The following MAP2K5 variants were observed in gnomAD, a reference collection of about 807,000 sequenced individuals.
MAP2K5 encodes dual specificity mitogen-activated protein kinase kinase 5.
Under a neutral mutation model 83.1 loss-of-function variants are expected in MAP2K5, and 49 were observed. The ratio of observed to expected loss-of-function variants is 0.59; its 90% confidence interval spans 0.47 to 0.75. The LOEUF (loss-of-function observed/expected upper bound fraction) is 0.75. Ranked by LOEUF, MAP2K5 falls within the 30% of genes least tolerant of loss-of-function variation. MAP2K5 has a pLI of 0.00. For missense variants in MAP2K5, 457 were observed against 557.5 expected (o/e 0.82, Z 1.82); for synonymous variants, 202 against 191.8 (o/e 1.05, Z -0.44).
intron 8 of MAP2K5, among the ~76,000 whole-genome samples, chr15:67,615,845 T>C (rs148963475): frequency 0.016 from 2,397 of 152,236 alleles, 39 homozygotes; most frequent in African/African-American, 0.034. Flanking sequence ...TTTGTGTCAG[T>C]ATTTGTGTAC....
At chr15:67,608,098 G>A (rs916231668) in intron 8 of MAP2K5, among the ~76,000 whole-genome samples, 6 of 152,316 alleles carry the variant, frequency 3.9e-5, no homozygotes, top group Non-Finnish European at 8.8e-5. Context: ...AAAAGTGGTT[G>A]TGATCAGGTA....
intron 11 of MAP2K5, among the ~76,000 whole-genome samples, 159 bp downstream of exon 11, chr15:67,646,628 C>G (rs1156572061): frequency 6.6e-6 from 1 of 151,998 alleles, no homozygotes; most frequent in Non-Finnish European, 1.5e-5. Flanking sequence ...TTAGGGGTTC[C>G]TGGGGTTAAA....
At chr15:67,648,178 A>T (rs1262103360) in intron 11 of MAP2K5, among the ~76,000 whole-genome samples, 1 of 152,124 alleles carries the variant, frequency 6.6e-6, no homozygotes, top group African/African-American at 2.4e-5. Flanking sequence ...ATTCCAAAAC[A>T]CTTTTTACCA....
chr15:67,599,072 A>G (rs535261536), intron 7 of MAP2K5, among the ~76,000 whole-genome samples: 1 of 152,364 alleles, frequency 6.6e-6, no homozygotes, highest in East Asian at 1.9e-4. Context: ...CTAGTTTAGC[A>G]TCTCGTCACT....
rs1023414120 is a variant in MAP2K5, at chr15:67,665,583, C to T, written c.847+938C>T. On this transcript the variant is annotated intron_variant, in intron 13 of 21. Coordinates refer to ENST00000178640, the MANE Select transcript of MAP2K5 (RefSeq NM_145160.3). The surrounding 1 kb of genome is among the most constrained non-coding windows in gnomAD (Gnocchi z 4.2). ...CATATCTGTCACTAAGGGTTGTTTTCTTTTGTGGTGGTTTTAATATCCTAG... is the reference window on the plus strand; with the variant it reads ...CATATCTGTCACTAAGGGTTGTTTTTTTTTGTGGTGGTTTTAATATCCTAG... 7.9e-5 allele frequency among the ~76,000 whole-genome samples: 12 copies of T among 152,100 alleles called. No individual in the cohort carries two copies. The highest frequency in any genetic ancestry group is 2.9e-4 in the African/African-American group (12 of 41,420).
chr15:67,658,773 C>T (rs1354704728), intron 12 of MAP2K5, 159 bp downstream of exon 12: 1 of 668,070 alleles, frequency 1.5e-6, no homozygotes, highest in Admixed American at 2.0e-5. Flanking sequence ...TTTCATAGAC[C>T]AGCCCACCCA....
In MAP2K5 at chr15:67,777,854, G is replaced by C. The variant is rs1234690540; in HGVS notation, c.1242+5102G>C. Among the ~76,000 whole-genome samples, 3 of 152,164 alleles carry C rather than the reference G, an allele frequency of 2.0e-5. No homozygotes were observed. Among genetic ancestry groups the C allele is most frequent in the Non-Finnish European group, 4.4e-5 (3 of 68,036 alleles). On this transcript the variant is annotated intron_variant, in intron 21 of 21. Coordinates refer to ENST00000178640, the MANE Select transcript of MAP2K5 (RefSeq NM_145160.3). This position sits in a 1 kb window ranked among gnomAD's most constrained non-coding sequence, Gnocchi z 6.0. ...AGGCATTTAGCATTTCCTCAGGTTT[G>C]GTTTTCAATTTAGGCACCTAAAAAG...
rs953814086 is a variant in MAP2K5, at chr15:67,770,719, C to T, written c.1196+1056C>T. On this transcript the variant is annotated intron_variant, in intron 20 of 21. Coordinates refer to ENST00000178640, the MANE Select transcript of MAP2K5 (RefSeq NM_145160.3). This position sits in a 1 kb window ranked among gnomAD's most constrained non-coding sequence, Gnocchi z 5.0. ...CCTTCCCCTCCCACTATGATCTGTC[C>T]GATGATTATGCTAAAGGGAAACCAA... Among the ~76,000 whole-genome samples, 9 of 152,012 alleles carry T rather than the reference C, an allele frequency of 5.9e-5. No individual in the cohort carries two copies. Among genetic ancestry groups the T allele is most frequent in the South Asian group, 4.2e-4 (2 of 4,816 alleles).
At chr15:67,672,380 T>C (rs1366337603) in intron 13 of MAP2K5, among the ~76,000 whole-genome samples, 3 of 152,010 alleles carry the variant, frequency 2.0e-5, no homozygotes, top group Non-Finnish European at 4.4e-5. Context: ...TGGTATCTCA[T>C]TGTGGTTTTG....
At chr15:67,606,038 T>C (rs928657094) in intron 8 of MAP2K5, among the ~76,000 whole-genome samples, 6 of 152,224 alleles carry the variant, frequency 3.9e-5, no homozygotes, top group Non-Finnish European at 7.3e-5. Context: ...TAGTATGTCA[T>C]ATGGAAATAA....
intron 8 of MAP2K5, among the ~76,000 whole-genome samples, chr15:67,607,933 A>G (rs890439787): frequency 4.6e-5 from 7 of 152,190 alleles, no homozygotes; most frequent in East Asian, 1.9e-4. Flanking sequence ...GTAAAAATCA[A>G]TACGTTATGG....
rs960994805 is a variant in MAP2K5, at chr15:67,750,618, G to A, written c.1134+2017G>A. 4.6e-5 allele frequency among the ~76,000 whole-genome samples: 7 copies of A among 152,150 alleles called. No individual in the cohort carries two copies. The highest frequency in any genetic ancestry group is 1.9e-4 in the East Asian group (1 of 5,202). On this transcript the variant is annotated intron_variant, in intron 19 of 21. Transcript: ENST00000178640. The surrounding 1 kb of genome is among the most constrained non-coding windows in gnomAD (Gnocchi z 4.2). The stretch of plus-strand genomic sequence containing the variant: ...CGCTGAATTAGACTTTCTAGGGATC[G>A]TGCCTAGAATCTACTAGTTTCTCGG...
At chr15:67,772,817 A>T (rs1415043562) in intron 21 of MAP2K5, 65 bp downstream of exon 21, 2 of 1,350,782 alleles carry the variant, frequency 1.5e-6, no homozygotes, top group African/African-American at 2.9e-5. Context: ...CATTCTGTTT[A>T]AAAGTCCAGA....
In MAP2K5 at chr15:67,697,270, A is replaced by G. The variant is rs144993021; in HGVS notation, c.972+3702A>G. Among the ~76,000 whole-genome samples the G allele has an allele frequency of 3.8e-3, 572 of 152,326 alleles. 5 individuals are homozygous for G. The highest frequency in any genetic ancestry group is 0.013 in the African/African-American group (550 of 41,562). On this transcript the variant is annotated intron_variant, in intron 15 of 21. Transcript: ENST00000178640. Reference sequence around the variant, plus strand: ...AACATCAGTAATAATAATAGCTTACACTTAGGTAGCTTTATGTGCCAATCA... The same window carrying G: ...AACATCAGTAATAATAATAGCTTACGCTTAGGTAGCTTTATGTGCCAATCA...
At chr15:67,742,143 A>G (rs1041622647) in intron 17 of MAP2K5, among the ~76,000 whole-genome samples, 4 of 152,218 alleles carry the variant, frequency 2.6e-5, no homozygotes, top group East Asian at 1.9e-4. Context: ...CGCCCGCCTC[A>G]GCCTCCCAAA....
Position 67,802,036 on chromosome 15 carries a change from G to A in MAP2K5, c.1243-4610G>A, listed in dbSNP as rs140262013. Among the ~76,000 whole-genome samples, 1 of 152,254 alleles carries A rather than the reference G, an allele frequency of 6.6e-6. No individual in the cohort carries two copies. The highest frequency in any genetic ancestry group is 1.9e-4 in the East Asian group (1 of 5,180). On this transcript the variant is annotated intron_variant, in intron 21 of 21. Coordinates refer to ENST00000178640, the MANE Select transcript of MAP2K5 (RefSeq NM_145160.3). This position sits in a 1 kb window ranked among gnomAD's most constrained non-coding sequence, Gnocchi z 5.0. ...GCCTCAGGCAGCACCCACACACTGC[G>A]GCAGGCTCGGAGCCTCCATTCTTGC...
intron 4 of MAP2K5, among the ~76,000 whole-genome samples, chr15:67,584,749 G>C (rs2085252213): frequency 7.2e-6 from 1 of 138,904 alleles, no homozygotes; most frequent in South Asian, 2.2e-4. Flanking sequence ...CGTGATCTCA[G>C]CTCACTGCAA....
Position 67,724,431 on chromosome 15 carries a change from T to C in MAP2K5, c.1045-3485T>C, listed in dbSNP as rs2089043787. Among the ~76,000 whole-genome samples the C allele has an allele frequency of 2.0e-5, 3 of 152,270 alleles. No individual in the cohort carries two copies. The highest frequency in any genetic ancestry group is 6.5e-5 in the Admixed American group (1 of 15,292). ...TATTTTTTGAGTTAGGGTCTCACTC[T>C]TGCTCAGTCTGGAATGCAATGGCAT... On this transcript the variant is annotated intron_variant, in intron 16 of 21. Transcript: ENST00000178640. This position sits in a 1 kb window ranked among gnomAD's most constrained non-coding sequence, Gnocchi z 4.4.
In MAP2K5 at chr15:67,786,773, C is replaced by A. The variant is rs531049509; in HGVS notation, c.1242+14021C>A. On this transcript the variant is annotated intron_variant, in intron 21 of 21. Transcript: ENST00000178640. The surrounding 1 kb of genome is among the most constrained non-coding windows in gnomAD (Gnocchi z 4.7). ...TTGCTTATCTACAAAAATAGAGTAT[C>A]GCAAAGCATGAAATTTAAGTGAGAT... 2.8e-4 allele frequency among the ~76,000 whole-genome samples: 43 copies of A among 152,284 alleles called. No homozygotes were observed. Among genetic ancestry groups the A allele is most frequent in the African/African-American group, 1.0e-3 (42 of 41,552 alleles).
Sources: gnomAD v4.1 joint callset for allele counts (sites outside exome capture counted in the v4.1 genomes callset) on GRCh38, gnomAD v4.1.1 for gene constraint, Gnocchi (gnomAD v3.1) non-coding constraint, MANE v1.5 for transcripts, NCBI Gene and HGNC (gene_info 2026-07-23, HGNC 2026-07-21) for gene names.